Variants in POLR3B observed in about 807,000 individuals in gnomAD.
The protein encoded by POLR3B is RNA polymerase III subunit B, also known as DNA-directed RNA polymerase III subunit RPC2.
In POLR3B, 96 loss-of-function variants were observed where a neutral mutation model predicts 147.4. That is an observed-to-expected ratio of 0.65 (90% CI 0.55 to 0.77). The LOEUF (loss-of-function observed/expected upper bound fraction) is 0.77. POLR3B is among the 30% of genes least tolerant of loss of function. POLR3B has a pLI of 0.00. For missense variants in POLR3B, 1,036 were observed against 1,413.5 expected (o/e 0.73, Z 4.28); for synonymous variants, 461 against 485.9 (o/e 0.95, Z 0.67).
At position 106,419,857 on chromosome 12, in the gene POLR3B, T is replaced by A. The variant is rs117715060; in HGVS notation, c.1102-7340T>A. 2.9e-3 allele frequency among the ~76,000 whole-genome samples: 430 copies of A among 148,690 alleles called. 4 individuals are homozygous for A. Among genetic ancestry groups the A allele is most frequent in the East Asian group, 0.014 (70 of 4,834 alleles). Reference sequence around the variant, plus strand: ...CTGGCATTCTGGTTATGTGTTACTCTGTTACATGCTATCTCAAAATGGTGG... The same window carrying A: ...CTGGCATTCTGGTTATGTGTTACTCAGTTACATGCTATCTCAAAATGGTGG... On this transcript the variant is annotated intron_variant, in intron 12 of 27. Transcript: ENST00000228347.
rs1374403520 is a variant in POLR3B at position 106,427,177 on chromosome 12, AC to A, written c.1102-18del. On this transcript the variant is annotated intron_variant, in intron 12 of 27. Coordinates refer to ENST00000228347, the MANE Select transcript of POLR3B (RefSeq NM_018082.6). ...AATGCTTTTTGAAAAATCACCATAT[AC>A]CTTTTTTTTTTTTTTTAGCTTTTAT... 4 of 1,179,806 alleles carry A rather than the reference AC, an allele frequency of 3.4e-6. No homozygotes were observed. Among genetic ancestry groups the A allele is most frequent in the East Asian group, 2.6e-5 (1 of 37,776 alleles). 73.1% of individuals were successfully genotyped at this position (1,179,806 alleles called of 1,614,324 possible).
intron 23 of POLR3B, among the ~76,000 whole-genome samples, chr12:106,478,208 A>AAG (rs2137054587): frequency 6.6e-6 from 1 of 152,132 alleles, no homozygotes; most frequent in South Asian, 2.1e-4. Context: ...TGCCCGGCCA[A>AAG]AGCAGTGCTT....
chr12:106,365,899 A>G (rs1228919745), intron 2 of POLR3B, among the ~76,000 whole-genome samples: 1 of 151,844 alleles, frequency 6.6e-6, no homozygotes. Context: ...AAACTAAGAT[A>G]CAAATACACA....
rs376121173 is a variant in POLR3B, at chr12:106,376,459, G to A, written c.496+9G>A. 2 of 1,581,416 alleles carry A rather than the reference G, an allele frequency of 1.3e-6. No homozygotes were observed. The highest frequency in any genetic ancestry group is 1.3e-5 in the African/African-American group (1 of 74,384). Reference sequence around the variant, plus strand: ...ATGTCCCTTAGATCCAGGTATGTGTGAAGTCTTGGATTTGTCCCACTTTCC... The same window carrying A: ...ATGTCCCTTAGATCCAGGTATGTGTAAAGTCTTGGATTTGTCCCACTTTCC... On this transcript the variant is annotated intron_variant, in intron 7 of 27. Transcript: ENST00000228347.
chr12:106,365,791 G>A (rs1377288450), intron 2 of POLR3B, among the ~76,000 whole-genome samples: 2 of 151,730 alleles, frequency 1.3e-5, no homozygotes, highest in African/African-American at 2.4e-5. Flanking sequence ...GCAGGGAGGC[G>A]GACGTTGCAG....
chr12:106,367,257 T>C (rs986907298), intron 4 of POLR3B, among the ~76,000 whole-genome samples: 1 of 152,252 alleles, frequency 6.6e-6, no homozygotes, highest in Non-Finnish European at 1.5e-5. Flanking sequence ...TGAAATAATG[T>C]TAAGCTTAAA....
In POLR3B at chr12:106,469,543, A is replaced by G. The variant is rs1398016974; in HGVS notation, c.2713+5923A>G. ...TTAATTGATGCAGTTTCTTCATAGC[A>G]TCGATGGTCTTTACAATTTGGCATG... On this transcript the variant is annotated intron_variant, in intron 23 of 27. Coordinates refer to ENST00000228347, the MANE Select transcript of POLR3B (RefSeq NM_018082.6). Among the ~76,000 whole-genome samples, 6 of 152,242 alleles carry G rather than the reference A, an allele frequency of 3.9e-5. No homozygotes were observed. In the East Asian group the frequency reaches 7.7e-4, roughly 20 times the overall value.
At chr12:106,405,567 C>G (rs12312357) in intron 10 of POLR3B, among the ~76,000 whole-genome samples, 142 of 151,648 alleles carry the variant, frequency 9.4e-4, no homozygotes, top group African/African-American at 3.4e-3. Flanking sequence ...CACACACACA[C>G]ACACACACAC....
chr12:106,450,976 T>G (rs537726048), intron 19 of POLR3B, among the ~76,000 whole-genome samples: 4 of 152,284 alleles, frequency 2.6e-5, no homozygotes, highest in African/African-American at 9.6e-5. Context: ...ATAAACGAAG[T>G]GTATATTTAT....
chr12:106,458,277 C>T (rs188652518), intron 21 of POLR3B, among the ~76,000 whole-genome samples: 5 of 152,092 alleles, frequency 3.3e-5, no homozygotes, highest in Non-Finnish European at 5.9e-5. Context: ...CACGTGCCAC[C>T]ATGCCTGGAT....
rs201365204 is a variant in POLR3B, at chr12:106,373,990, A to AT, written c.405-2359dup. On this transcript the variant is annotated intron_variant, in intron 6 of 27. Coordinates refer to ENST00000228347, the MANE Select transcript of POLR3B (RefSeq NM_018082.6). ...CATTTTTCTTTTTGGATAATGGAAG[A>AT]TTTTTTTTTTCTCACCCTTCCCCAA... Among the ~76,000 whole-genome samples the AT allele has an allele frequency of 2.9e-3, 432 of 149,978 alleles. 1 individual carries two copies. Among genetic ancestry groups the AT allele is most frequent in the Admixed American group, 7.6e-3 (114 of 15,024 alleles).
intron 12 of POLR3B, among the ~76,000 whole-genome samples, chr12:106,413,372 T>G (rs2136939764): frequency 6.6e-6 from 1 of 152,312 alleles, no homozygotes; most frequent in South Asian, 2.1e-4. Flanking sequence ...CTCCCATCAT[T>G]TACTAGTTTA....
intron 19 of POLR3B, chr12:106,446,459 G>A: frequency 3.0e-6 from 1 of 334,672 alleles, no homozygotes; most frequent in South Asian, 2.5e-5. Flanking sequence ...CTTTATATGT[G>A]GCAATGAGTA....
intron 1 of POLR3B, chr12:106,358,191 C>T: frequency 7.0e-7 from 1 of 1,428,034 alleles, no homozygotes; most frequent in Non-Finnish European, 9.1e-7. Context: ...AGCCCCGCTG[C>T]TGGCTCTAGG....
chr12:106,380,227 T>A, intron 9 of POLR3B, 88 bp downstream of exon 9: 3 of 682,992 alleles, frequency 4.4e-6, no homozygotes, highest in Non-Finnish European at 7.9e-6. Context: ...GGGTAAGGAA[T>A]TCTTGGAATA....
chr12:106,369,752 T>A, intron 6 of POLR3B, 69 bp downstream of exon 6: 1 of 1,009,630 alleles, frequency 9.9e-7, no homozygotes, highest in Non-Finnish European at 1.6e-6. Flanking sequence ...TCCCATTTCC[T>A]CATCTGAAAA....
chr12:106,363,165 A>G (rs985000532), intron 1 of POLR3B, among the ~76,000 whole-genome samples: 1 of 152,116 alleles, frequency 6.6e-6, no homozygotes, highest in Admixed American at 6.6e-5. Context: ...CTCATCCATC[A>G]CGTGCCTTTA....
intron 23 of POLR3B, among the ~76,000 whole-genome samples, chr12:106,463,870 T>C (rs1331897743): frequency 6.6e-6 from 1 of 152,184 alleles, no homozygotes; most frequent in Non-Finnish European, 1.5e-5. Flanking sequence ...ATTATAATTA[T>C]AGATACAGTC....
At chr12:106,468,127 A>G (rs2038032698) in intron 23 of POLR3B, among the ~76,000 whole-genome samples, 1 of 152,132 alleles carries the variant, frequency 6.6e-6, no homozygotes, top group African/African-American at 2.4e-5. Flanking sequence ...CCTTAATTTC[A>G]AAACCTGTTA....
Sources: allele counts gnomAD v4.1 joint callset (sites outside exome capture counted in the v4.1 genomes callset), GRCh38; gene constraint gnomAD v4.1.1; transcripts MANE v1.5; gene names NCBI Gene and HGNC (gene_info 2026-07-23, HGNC 2026-07-21).